Variants in MYRIP observed in about 807,000 individuals in gnomAD.
MYRIP encodes rab effector MyRIP.
Under a neutral mutation model 98.0 loss-of-function variants are expected in MYRIP, and 49 were observed. The ratio of observed to expected loss-of-function variants is 0.50; its 90% CI spans 0.40 to 0.63. MYRIP has a LOEUF of 0.63. Among genes scored for constraint, MYRIP ranks in the 30% least tolerant of loss-of-function variants. The pLI is 0.00. For synonymous variants in MYRIP, 404 were observed against 409.5 expected (o/e 0.99, Z 0.16); for missense variants, 1,004 against 1,058.2 (o/e 0.95, Z 0.71).
At chr3:40,065,924 T>A (rs1478069345) in intron 3 of MYRIP, among the ~76,000 whole-genome samples, 2 of 152,148 alleles carry the variant, frequency 1.3e-5, no homozygotes, top group Non-Finnish European at 2.9e-5. Flanking sequence ...TGTTTCTCAG[T>A]CCACCAACTG....
At chr3:39,976,588 A>G (rs1411649201) in intron 2 of MYRIP, among the ~76,000 whole-genome samples, 1 of 152,230 alleles carries the variant, frequency 6.6e-6, no homozygotes, top group Non-Finnish European at 1.5e-5. Context: ...ATAAAGACAC[A>G]TGCACACATA....
At chr3:39,887,735 A>G (rs1172155498) in intron 1 of MYRIP, among the ~76,000 whole-genome samples, 1 of 152,150 alleles carries the variant, frequency 6.6e-6, no homozygotes, top group African/African-American at 2.4e-5. Flanking sequence ...AGGAAGTCAA[A>G]TTGTCCCTGT....
intron 2 of MYRIP, among the ~76,000 whole-genome samples, chr3:39,935,196 T>C (rs1425885458): frequency 3.3e-5 from 5 of 152,154 alleles, no homozygotes; most frequent in African/African-American, 7.2e-5. Flanking sequence ...TTCTACAGGG[T>C]TCAGGGACGG....
chr3:39,986,606 C>A (rs1161344057), intron 2 of MYRIP, among the ~76,000 whole-genome samples: 3 of 152,158 alleles, frequency 2.0e-5, no homozygotes, highest in Admixed American at 6.6e-5. Context: ...CGGTACCATG[C>A]CCATTTCCCT....
At chr3:40,220,417 A>G (rs1952303232) in intron 11 of MYRIP, among the ~76,000 whole-genome samples, 1 of 152,188 alleles carries the variant, frequency 6.6e-6, no homozygotes, top group African/African-American at 2.4e-5. Flanking sequence ...GCTCATGCGT[A>G]TGTCCTGAAT....
chr3:40,165,790 G>C (rs961729126), intron 5 of MYRIP, among the ~76,000 whole-genome samples: 4 of 151,236 alleles, frequency 2.6e-5, no homozygotes, highest in African/African-American at 9.7e-5. Context: ...TAAAAGTATG[G>C]TAGCACTATA....
At chr3:39,895,751 G>A (rs919144996) in intron 1 of MYRIP, among the ~76,000 whole-genome samples, 2 of 152,102 alleles carry the variant, frequency 1.3e-5, no homozygotes, top group Non-Finnish European at 2.9e-5. Context: ...GGACATAAAT[G>A]GGCAATGTCA....
Position 39,882,544 on chromosome 3 carries a change from A to T in MYRIP, c.-30-18243A>T, listed in dbSNP as rs568372541. On this transcript the variant is annotated intron_variant, in intron 1 of 16. Coordinates refer to ENST00000302541, the MANE Select transcript of MYRIP (RefSeq NM_015460.4). ...CATTTCTGGCTGACTGATTAATATG[A>T]CTTTGAATAATTTTAACTAGGCTCA... Among the ~76,000 whole-genome samples the T allele has an allele frequency of 1.1e-4, 17 of 152,258 alleles. No homozygotes were observed. The South Asian group carries it at 2.1e-3, about 19-fold the overall frequency.
intron 1 of MYRIP, among the ~76,000 whole-genome samples, chr3:39,819,139 A>G (rs1055065061): frequency 2.0e-5 from 3 of 152,100 alleles, no homozygotes; most frequent in Non-Finnish European, 4.4e-5. Flanking sequence ...ACCTGAGGTC[A>G]GGAGTTTGAG....
At chr3:40,135,216 A>G (rs1158314712) in intron 3 of MYRIP, among the ~76,000 whole-genome samples, 1 of 152,206 alleles carries the variant, frequency 6.6e-6, no homozygotes, top group Non-Finnish European at 1.5e-5. Context: ...AAACTATGGC[A>G]CGAGAACTAC....
intron 2 of MYRIP, among the ~76,000 whole-genome samples, chr3:40,018,316 A>T (rs367611440): frequency 2.0e-5 from 3 of 152,306 alleles, no homozygotes; most frequent in African/African-American, 7.2e-5. Context: ...TTTTACAAGG[A>T]TGATGCCATG....
At chr3:40,015,499 C>T (rs1476439530) in intron 2 of MYRIP, among the ~76,000 whole-genome samples, 1 of 152,228 alleles carries the variant, frequency 6.6e-6, no homozygotes, top group African/African-American at 2.4e-5. Context: ...ATCATGGATT[C>T]TGGGACCAGC....
At position 39,878,478 on chromosome 3, in the gene MYRIP, G is replaced by A. The variant is rs182761146; in HGVS notation, c.-30-22309G>A. ...CTGTAGACCAGAGCTGTTCCTATTC[G>A]GCCATCTTAGGTCTGATTTTTCAAC... On this transcript the variant is annotated intron_variant, in intron 1 of 16. Transcript: ENST00000302541. Among the ~76,000 whole-genome samples, 11 of 151,990 alleles carry A rather than the reference G, an allele frequency of 7.2e-5. No homozygotes were observed. The East Asian group carries it at 1.4e-3, about 19-fold the overall frequency.
chr3:40,254,159 T>A (rs1953490466), intron 16 of MYRIP, among the ~76,000 whole-genome samples: 1 of 152,196 alleles, frequency 6.6e-6, no homozygotes. Context: ...CAAGTCCCTA[T>A]CATTTTATGA....
At chr3:39,847,621 A>G (rs1049181750) in intron 1 of MYRIP, among the ~76,000 whole-genome samples, 4 of 152,088 alleles carry the variant, frequency 2.6e-5, no homozygotes, top group Non-Finnish European at 5.9e-5. Flanking sequence ...ATTCTCAGTG[A>G]TTTTGATACC....
chr3:39,871,892 A>G (rs1006445576), intron 1 of MYRIP, among the ~76,000 whole-genome samples: 1 of 152,016 alleles, frequency 6.6e-6, no homozygotes, highest in Non-Finnish European at 1.5e-5. Context: ...CAAGCATTAT[A>G]TGTGTATGCT....
intron 2 of MYRIP, among the ~76,000 whole-genome samples, chr3:39,919,691 GTGGT>G (rs1944256855): frequency 7.0e-6 from 1 of 143,592 alleles, no homozygotes; most frequent in Admixed American, 6.8e-5. Flanking sequence ...GCGGGTATGT[GTGGT>G]GTGTGTGTGT....
chr3:39,894,812 T>A (rs7646800), intron 1 of MYRIP, among the ~76,000 whole-genome samples: 25,400 of 152,098 alleles, frequency 0.17, 3,986 homozygotes, highest in African/African-American at 0.41. Flanking sequence ...CATTTTTTCA[T>A]TTTCTTGAAG....
chr3:39,874,480 T>C (rs2125634480), intron 1 of MYRIP, among the ~76,000 whole-genome samples: 1 of 152,296 alleles, frequency 6.6e-6, no homozygotes, highest in South Asian at 2.1e-4. Context: ...TGTGGGTTTG[T>C]CATAGATAAC....
Sources: gnomAD v4.1 joint callset for allele counts (sites outside exome capture counted in the v4.1 genomes callset) on GRCh38, gnomAD v4.1.1 for gene constraint, MANE v1.5 for transcripts, NCBI Gene and HGNC (gene_info 2026-07-23, HGNC 2026-07-21) for gene names.